SEMA5A: variants seen among roughly 807,000 people sequenced by gnomAD.
SEMA5A encodes semaphorin-5A.
SEMA5A carries 55 observed loss-of-function variants against 135.5 expected under a neutral mutation model. That is an observed-to-expected ratio of 0.41 (90% CI 0.33 to 0.51). SEMA5A has a LOEUF of 0.51. SEMA5A is among the 20% of genes least tolerant of loss of function. The pLI, the probability that SEMA5A is intolerant of heterozygous loss-of-function variation, is 0.37. For missense variants in SEMA5A, 1,290 were observed against 1,419.9 expected, an observed-to-expected ratio of 0.91 and a Z score of 1.47; for synonymous variants, 580 against 546.5, an observed-to-expected ratio of 1.06 and a Z score of -0.85.
chr5:9,060,223 G>T (rs1737110730), intron 18 of SEMA5A, among the ~76,000 whole-genome samples: 1 of 152,158 alleles, frequency 6.6e-6, no homozygotes, highest in Non-Finnish European at 1.5e-5. Flanking sequence ...TGAGGACAGG[G>T]TTATTTCAAC....
Position 9,066,446 on chromosome 5 carries a change from GTCGCTAGAACAGTA to G in SEMA5A, c.2260_2273del (p.Tyr754ArgfsTer41), listed in dbSNP as rs1561118915. ...CATCTGTGGAGCAGCCACTGGTGCC[GTCGCTAGAACAGTA>G]CCGCATTTCGATTCTCTGTCTTCCC... On this transcript the variant is annotated frameshift_variant, in exon 17 of 23. Coordinates refer to ENST00000382496, the MANE Select transcript of SEMA5A (RefSeq NM_003966.3). LOFTEE classifies it high-confidence loss of function. 2 of 1,614,216 alleles carry G rather than the reference GTCGCTAGAACAGTA, an allele frequency of 1.2e-6. No individual in the cohort carries two copies. Among genetic ancestry groups the G allele is most frequent in the Non-Finnish European group, 1.7e-6 (2 of 1,180,026 alleles).
At position 9,349,764 on chromosome 5, in the gene SEMA5A, T is replaced by C. The variant is rs569287932; in HGVS notation, c.125-11952A>G. ...AAAATACAAAAAAATTAGTCAGGCATGGTGGCATGCACCTGTAATCCCAGC... is the reference window on the plus strand; with the variant it reads ...AAAATACAAAAAAATTAGTCAGGCACGGTGGCATGCACCTGTAATCCCAGC... On this transcript the variant is annotated intron_variant, in intron 3 of 22. Transcript: ENST00000382496. Among the ~76,000 whole-genome samples, 3 of 152,164 alleles carry C rather than the reference T, an allele frequency of 2.0e-5. No individual in the cohort carries two copies. The South Asian group carries it at 6.2e-4, about 32-fold the overall frequency.
At chr5:9,109,481 T>C (rs1056140214) in intron 15 of SEMA5A, among the ~76,000 whole-genome samples, 11 of 152,202 alleles carry the variant, frequency 7.2e-5, no homozygotes, top group Non-Finnish European at 1.6e-4. Context: ...GCACCAAATG[T>C]AGTGAGACAC....
intron 1 of SEMA5A, among the ~76,000 whole-genome samples, chr5:9,470,213 G>A (rs1759426027): frequency 6.6e-6 from 1 of 152,208 alleles, no homozygotes; most frequent in African/African-American, 2.4e-5. Context: ...CTTGATGTTA[G>A]GGTGTGTCCC....
intron 1 of SEMA5A, among the ~76,000 whole-genome samples, chr5:9,537,050 G>T (rs1033314599): frequency 6.6e-6 from 1 of 151,858 alleles, no homozygotes; most frequent in South Asian, 2.1e-4. Context: ...GCTAACATTT[G>T]GATGCTTTTC....
intron 5 of SEMA5A, among the ~76,000 whole-genome samples, chr5:9,282,760 C>T (rs1031354118): frequency 6.6e-6 from 1 of 152,124 alleles, no homozygotes; most frequent in Non-Finnish European, 1.5e-5. Flanking sequence ...TGTGCACCTC[C>T]CCATCCCACA....
At chr5:9,050,517 C>G (rs1736512256) in intron 20 of SEMA5A, 60 bp from the exon 21 acceptor site, 4 of 1,357,752 alleles carry the variant, frequency 2.9e-6, no homozygotes, top group Non-Finnish European at 4.1e-6. Context: ...AGTCCACATT[C>G]ATGCTTCATG....
intron 8 of SEMA5A, among the ~76,000 whole-genome samples, chr5:9,213,600 C>T (rs1746462127): frequency 6.6e-6 from 1 of 152,128 alleles, no homozygotes; most frequent in Non-Finnish European, 1.5e-5. Context: ...AAACTCTAGC[C>T]CATGGGCCAA....
At chr5:9,044,249 T>TTCTCACATAG (rs1373415799) in intron 22 of SEMA5A, 124 bp downstream of exon 22, 2 of 809,842 alleles carry the variant, frequency 2.5e-6, no homozygotes, top group African/African-American at 3.4e-5. Flanking sequence ...ATGTTTCTTA[T>TTCTCACATAG]TCTCACATAG....
At chr5:9,165,583 T>G (rs554452142) in intron 11 of SEMA5A, among the ~76,000 whole-genome samples, 1 of 152,228 alleles carries the variant, frequency 6.6e-6, no homozygotes, top group Non-Finnish European at 1.5e-5. Context: ...CCTGGGAAGC[T>G]AAATTAGTTT....
intron 3 of SEMA5A, among the ~76,000 whole-genome samples, chr5:9,345,406 C>T (rs1753818145): frequency 6.6e-6 from 1 of 152,044 alleles, no homozygotes; most frequent in Non-Finnish European, 1.5e-5. Context: ...CCATGCAGGC[C>T]CCTGCTCCTG....
chr5:9,042,400 G>C lies in SEMA5A; in HGVS notation c.*497C>G, dbSNP rs1736009726. 6.4e-6 allele frequency: 1 copy of C among 156,698 alleles called. No homozygotes were observed. Among genetic ancestry groups the C allele is most frequent in the Admixed American group, 6.5e-5 (1 of 15,338 alleles). 9.7% of individuals were successfully genotyped at this position (156,698 alleles called of 1,614,324 possible). On this transcript the variant is annotated 3_prime_UTR_variant, in exon 23 of 23. Transcript: ENST00000382496. ...GAATCCCACAGCTTTATCCAGATTT[G>C]GAAAGTTGGGCAATCCATGGTGAAT...
intron 11 of SEMA5A, among the ~76,000 whole-genome samples, chr5:9,172,142 C>G (rs1224310938): frequency 6.6e-6 from 1 of 152,146 alleles, no homozygotes; most frequent in Non-Finnish European, 1.5e-5. Context: ...AGACAAGCTG[C>G]CAGGTGAGTC....
rs70943946 is a variant in SEMA5A at position 9,197,728 on chromosome 5, T to TTGTGTG, written c.933-431_933-426dup. Among the ~76,000 whole-genome samples the TTGTGTG allele has an allele frequency of 8.1e-4, 48 of 59,298 alleles. 1 individual carries two copies. The highest frequency in any genetic ancestry group is 3.4e-3 in the African/African-American group (46 of 13,398). The allele number at this position is 59,298 out of a possible 152,430, so 38.9% of individuals were successfully genotyped here. ...TTTGCCCAGCAGCAGGGAAAGCTGT[T>TTGTGTG]TGTGTGTGTGTGTGTGTGTGTGTGT... On this transcript the variant is annotated intron_variant, in intron 9 of 22. Coordinates refer to ENST00000382496, the MANE Select transcript of SEMA5A (RefSeq NM_003966.3).
At chr5:9,084,073 A>G (rs962003990) in intron 16 of SEMA5A, among the ~76,000 whole-genome samples, 3 of 152,230 alleles carry the variant, frequency 2.0e-5, no homozygotes, top group African/African-American at 7.2e-5. Flanking sequence ...CCTTTAATAA[A>G]AGTTGAAAAT....
chr5:9,246,010 A>G (rs1360841839), intron 5 of SEMA5A, among the ~76,000 whole-genome samples: 1 of 152,196 alleles, frequency 6.6e-6, no homozygotes. Context: ...GAAAAACAGT[A>G]TCAAGGACAT....
chr5:9,483,081 A>T (rs1022433728), intron 1 of SEMA5A, among the ~76,000 whole-genome samples: 3 of 152,170 alleles, frequency 2.0e-5, no homozygotes, highest in African/African-American at 7.2e-5. Flanking sequence ...ATTCAGAAGC[A>T]CTTTAGTTTT....
chr5:9,532,639 TATA>T, intron 1 of SEMA5A, among the ~76,000 whole-genome samples: 1 of 152,182 alleles, frequency 6.6e-6, no homozygotes, highest in East Asian at 1.9e-4. Flanking sequence ...GAAATGTAAA[TATA>T]ATTCTTTCAA....
rs1181853848 is a variant in SEMA5A at position 9,204,139 on chromosome 5, A to G, written c.647-1899T>C. ...AAATAAGAGTCTAAATTATTTTGGA[A>G]TGGGTCCTGCACCCTGGCTAAACAA... On this transcript the variant is annotated intron_variant, in intron 8 of 22. Transcript: ENST00000382496. The surrounding 1 kb of genome is among the most constrained non-coding windows in gnomAD (Gnocchi z 6.4). Among the ~76,000 whole-genome samples the G allele has an allele frequency of 6.6e-6, 1 of 152,174 alleles. No individual in the cohort carries two copies. Among genetic ancestry groups the G allele is most frequent in the East Asian group, 1.9e-4 (1 of 5,190 alleles).
Sources: allele counts gnomAD v4.1 joint callset (sites outside exome capture counted in the v4.1 genomes callset), GRCh38; gene constraint gnomAD v4.1.1; non-coding constraint Gnocchi (gnomAD v3.1); transcripts MANE v1.5; gene names NCBI Gene and HGNC (gene_info 2026-07-23, HGNC 2026-07-21).